CFAP99: variants seen among roughly 807,000 people sequenced by gnomAD.
CFAP99 encodes the protein cilia- and flagella-associated protein 99.
In CFAP99, 84 loss-of-function variants were observed where a neutral mutation model predicts 82.7. The ratio of observed to expected loss-of-function variants is 1.02; its 90% confidence interval spans 0.85 to 1.22. CFAP99 has a LOEUF of 1.22. CFAP99 is among the 50% of genes most tolerant of loss of function. CFAP99 has a pLI of 0.00. For synonymous variants in CFAP99, 456 were observed against 429.5 expected (o/e 1.06, Z -0.76); for missense variants, 1,059 against 983.5 (o/e 1.08, Z -1.03).
At chr4:2,434,497 C>T (rs1733867637) in intron 2 of CFAP99, among the ~76,000 whole-genome samples, 1 of 152,206 alleles carries the variant, frequency 6.6e-6, no homozygotes, top group Non-Finnish European at 1.5e-5. Flanking sequence ...CCAGTCCTGG[C>T]GCTCCCAAGA....
At chr4:2,436,766 G>A (rs1229490731) in intron 2 of CFAP99, 108 bp from the exon 3 acceptor site, 6 of 893,130 alleles carry the variant, frequency 6.7e-6, no homozygotes, top group Non-Finnish European at 8.5e-6. Flanking sequence ...CAGGCCCTTT[G>A]CAGCCCCGGG....
exon 13 of CFAP99, chr4:2,459,134 G>T: frequency 1.3e-6 from 2 of 1,532,232 alleles, no homozygotes; most frequent in Non-Finnish European, 1.7e-6. Context: ...GAGAGCAGGG[G>T]GCTGCTGCAG....
chr4:2,457,906 G>A (rs925901240), intron 11 of CFAP99, among the ~76,000 whole-genome samples: 15 of 152,336 alleles, frequency 9.8e-5, no homozygotes, highest in African/African-American at 3.1e-4. Flanking sequence ...CAAAGAAACT[G>A]AAACCCAGAG....
intron 2 of CFAP99, 72 bp from the exon 3 acceptor site, chr4:2,436,802 A>G (rs1733921563): frequency 2.3e-6 from 3 of 1,277,198 alleles, no homozygotes; most frequent in African/African-American, 1.5e-5. Flanking sequence ...CCTTTGCCCA[A>G]GTGTCCCACC....
chr4:2,458,991 C>T, intron 12 of CFAP99, 116 bp from the exon 13 acceptor site: 1 of 1,444,900 alleles, frequency 6.9e-7, no homozygotes, highest in Non-Finnish European at 9.1e-7. Context: ...GAGGCACTCC[C>T]AGGTGGCCGC....
intron 1 of CFAP99, 122 bp from the exon 2 acceptor site, chr4:2,426,337 G>C: frequency 1.5e-6 from 1 of 667,236 alleles, no homozygotes; most frequent in South Asian, 1.7e-5. Flanking sequence ...AGGGCCCCCA[G>C]TCACATCCGG....
At position 2,437,030 on chromosome 4, in the gene CFAP99, G is replaced by T; in HGVS notation, c.256+12G>T. On this transcript the variant is annotated intron_variant, in intron 3 of 14. Transcript: ENST00000635017. ...CAGCCGCTTCGAGGGTAGGTGCCTG[G>T]CTGGTCCCCAGGGCCAGGCCGTAGA... is the stretch of plus-strand genomic sequence containing the variant. 1 of 1,535,986 alleles carries T rather than the reference G, an allele frequency of 6.5e-7. No homozygotes were observed.
chr4:2,430,073 G>A lies in CFAP99; in HGVS notation c.111+3487G>A, dbSNP rs528561845. 5.3e-5 allele frequency among the ~76,000 whole-genome samples: 8 copies of A among 151,518 alleles called. No homozygotes were observed. The Admixed American group carries it at 5.3e-4, about 10-fold the overall frequency. On this transcript the variant is annotated intron_variant, in intron 2 of 14. Coordinates refer to ENST00000635017, the Ensembl canonical transcript of CFAP99. ...AAATTACGCAATACATAAACCAAACGGCAGACTGCGGACAGCAGACTGCGG... is the reference window on the plus strand; with the variant it reads ...AAATTACGCAATACATAAACCAAACAGCAGACTGCGGACAGCAGACTGCGG...
At chr4:2,433,941 C>T (rs1335011636) in intron 2 of CFAP99, among the ~76,000 whole-genome samples, 3 of 152,200 alleles carry the variant, frequency 2.0e-5, no homozygotes, top group Non-Finnish European at 4.4e-5. Context: ...TGAGGAAGGA[C>T]GCCTGACCCG....
intron 2 of CFAP99, among the ~76,000 whole-genome samples, chr4:2,435,769 A>T (rs976803122): frequency 2.6e-5 from 4 of 152,130 alleles, no homozygotes; most frequent in Non-Finnish European, 5.9e-5. Context: ...ACAAAAAATT[A>T]AAAAATGAGC....
At chr4:2,442,756 AC>A (rs1181855840) in intron 4 of CFAP99, among the ~76,000 whole-genome samples, 35 of 152,116 alleles carry the variant, frequency 2.3e-4, no homozygotes, top group Admixed American at 2.3e-3. Flanking sequence ...CCACCCAGGG[AC>A]CCCGGGGGCT....
intron 11 of CFAP99, among the ~76,000 whole-genome samples, chr4:2,453,838 G>T (rs553256768): frequency 1.0e-4 from 15 of 147,340 alleles, no homozygotes; most frequent in Non-Finnish European, 1.8e-4. Flanking sequence ...TTTTAAGATG[G>T]AAGCTTGCTC....
chr4:2,451,713 T>C (rs1264832214), intron 10 of CFAP99, among the ~76,000 whole-genome samples: 1 of 112,050 alleles, frequency 8.9e-6, no homozygotes, highest in Non-Finnish European at 1.9e-5. Context: ...TGTGGTCGTG[T>C]CTTTCCTTGT....
intron 1 of CFAP99, among the ~76,000 whole-genome samples, chr4:2,425,181 A>G (rs910335930): frequency 1.3e-5 from 2 of 152,082 alleles, no homozygotes; most frequent in Admixed American, 6.5e-5. Flanking sequence ...CTTCTCTTGC[A>G]TGGCAGTGCC....
At chr4:2,447,631 G>A (rs1032627324) in intron 6 of CFAP99, among the ~76,000 whole-genome samples, 5 of 150,826 alleles carry the variant, frequency 3.3e-5, no homozygotes, top group African/African-American at 1.2e-4. Flanking sequence ...GTGGGTGAAT[G>A]AATGGATGGG....
chr4:2,454,501 A>G (rs1293043205), intron 11 of CFAP99, among the ~76,000 whole-genome samples: 1 of 149,938 alleles, frequency 6.7e-6, no homozygotes, highest in East Asian at 2.0e-4. Context: ...TAACATATGC[A>G]TTATCTCACA....
intron 11 of CFAP99, among the ~76,000 whole-genome samples, chr4:2,455,877 A>G (rs2108734236): frequency 6.6e-6 from 1 of 152,328 alleles, no homozygotes; most frequent in East Asian, 1.9e-4. Context: ...TGCAGTTCAT[A>G]TTGGAGTGAT....
At chr4:2,425,716 C>A (rs760617354) in intron 1 of CFAP99, among the ~76,000 whole-genome samples, 27 of 152,212 alleles carry the variant, frequency 1.8e-4, no homozygotes, top group Non-Finnish European at 3.7e-4. Context: ...GGCCCCGCCT[C>A]CTCTGAGGAT....
intron 5 of CFAP99, 83 bp from the exon 6 acceptor site, chr4:2,445,048 A>G: frequency 9.6e-7 from 1 of 1,045,238 alleles, no homozygotes; most frequent in Non-Finnish European, 1.2e-6. Flanking sequence ...TCGCTGCGGG[A>G]GCCCTCTGGA....
Sources: gnomAD v4.1 joint callset for allele counts (sites outside exome capture counted in the v4.1 genomes callset) on GRCh38, gnomAD v4.1.1 for gene constraint, MANE v1.5 for transcripts, NCBI Gene and HGNC (gene_info 2026-07-23, HGNC 2026-07-21) for gene names.